Variants in NOS1AP observed in about 807,000 individuals in gnomAD.
NOS1AP encodes the protein nitric oxide synthase 1 adaptor protein.
In NOS1AP, 21 loss-of-function variants were observed where a neutral mutation model predicts 56.2. The ratio of observed to expected loss-of-function variants is 0.37; its 90% confidence interval spans 0.26 to 0.54. The LOEUF (loss-of-function observed/expected upper bound fraction) is 0.54, where lower values mean the gene tolerates loss of function less well. Among genes scored for constraint, NOS1AP ranks in the 20% least tolerant of loss-of-function variants. The pLI, the probability that NOS1AP is intolerant of heterozygous loss-of-function variation, is 0.84. For missense variants in NOS1AP, 522 were observed against 657.8 expected, an observed-to-expected ratio of 0.79 and a Z score of 2.26; for synonymous variants, 270 against 274.6, an observed-to-expected ratio of 0.98 and a Z score of 0.17.
intron 5 of NOS1AP, among the ~76,000 whole-genome samples, chr1:162,343,313 G>T (rs2101806470): frequency 6.6e-6 from 1 of 152,316 alleles, no homozygotes; most frequent in African/African-American, 2.4e-5. Context: ...CTTAGATTTA[G>T]TTGGCTGCCA....
At chr1:162,238,259 A>G (rs1444967060) in intron 2 of NOS1AP, among the ~76,000 whole-genome samples, 3 of 152,082 alleles carry the variant, frequency 2.0e-5, no homozygotes, top group African/African-American at 7.2e-5. Context: ...CCTTTGGAGC[A>G]TGGATGGGTT....
chr1:162,232,776 G>A (rs1479976471), intron 2 of NOS1AP, among the ~76,000 whole-genome samples: 1 of 151,914 alleles, frequency 6.6e-6, no homozygotes, highest in Non-Finnish European at 1.5e-5. Flanking sequence ...TACCTATTAT[G>A]TACCTATTAT....
At chr1:162,225,815 G>A (rs1460565898) in intron 2 of NOS1AP, among the ~76,000 whole-genome samples, 1 of 152,136 alleles carries the variant, frequency 6.6e-6, no homozygotes, top group African/African-American at 2.4e-5. Context: ...ATTACTGATG[G>A]TGTCATTAGG....
chr1:162,125,130 CTTT>C lies in NOS1AP; in HGVS notation c.106-29256_106-29254del, dbSNP rs56264198. On this transcript the variant is annotated intron_variant, in intron 1 of 9. Coordinates refer to ENST00000361897, the MANE Select transcript of NOS1AP (RefSeq NM_014697.3). ...ATGCCAACATCTATTGTTTCTGACTCTTTTTTTTTTTTTTTTTTTTTAAGACGG... is the reference window on the plus strand; with the variant it reads ...ATGCCAACATCTATTGTTTCTGACTCTTTTTTTTTTTTTTTTTTAAGACGG... Among the ~76,000 whole-genome samples, 119 of 124,134 alleles carry C rather than the reference CTTT, an allele frequency of 9.6e-4. 1 individual carries two copies. Among genetic ancestry groups the C allele is most frequent in the African/African-American group, 3.5e-3 (108 of 30,956 alleles). 81.4% of individuals were successfully genotyped at this position (124,134 alleles called of 152,430 possible).
chr1:162,307,728 G>A (rs142860615), intron 4 of NOS1AP, among the ~76,000 whole-genome samples: 3,153 of 151,880 alleles, frequency 0.021, 53 homozygotes, highest in Middle Eastern at 0.048. Context: ...GGAGAGTGGC[G>A]TGAACCTGGG....
intron 4 of NOS1AP, chr1:162,317,300 G>A (rs959990114): frequency 6.6e-6 from 1 of 152,326 alleles, no homozygotes; most frequent in African/African-American, 2.4e-5. Flanking sequence ...TGGGCCAGTG[G>A]TGTGTCCTCA....
chr1:162,074,407 C>G (rs1691728370), intron 1 of NOS1AP, among the ~76,000 whole-genome samples: 1 of 152,096 alleles, frequency 6.6e-6, no homozygotes, highest in Non-Finnish European at 1.5e-5. Flanking sequence ...AGATTGTTCC[C>G]TTATATCTGC....
At chr1:162,318,768 C>T (rs1170232410) in intron 4 of NOS1AP, among the ~76,000 whole-genome samples, 4 of 152,126 alleles carry the variant, frequency 2.6e-5, no homozygotes, top group Non-Finnish European at 4.4e-5. Flanking sequence ...TTTCCAATTG[C>T]CTCTTAGACA....
intron 6 of NOS1AP, among the ~76,000 whole-genome samples, chr1:162,351,860 A>G (rs918455378): frequency 2.6e-5 from 4 of 151,300 alleles, no homozygotes; most frequent in Non-Finnish European, 4.4e-5. Context: ...TATCTTTTCA[A>G]CCTCCAGTAA....
intron 4 of NOS1AP, among the ~76,000 whole-genome samples, chr1:162,312,112 T>G (rs1247930804): frequency 6.6e-6 from 1 of 151,154 alleles, no homozygotes; most frequent in East Asian, 1.9e-4. Flanking sequence ...ATGGGATGGC[T>G]GGGTCAAATG....
rs138872016 is a variant in NOS1AP at position 162,083,859 on chromosome 1, C to T, written c.105+13577C>T. Among the ~76,000 whole-genome samples, 32 of 152,252 alleles carry T rather than the reference C, an allele frequency of 2.1e-4. 1 individual carries two copies. Among genetic ancestry groups the T allele is most frequent in the African/African-American group, 6.3e-4 (26 of 41,556 alleles). On this transcript the variant is annotated intron_variant, in intron 1 of 9. Coordinates refer to ENST00000361897, the MANE Select transcript of NOS1AP (RefSeq NM_014697.3). ...CTGAGTGTCTTTACCAAGTTTTCCA[C>T]CATGTGATTCTGATGAACACTTCAG... is the stretch of plus-strand genomic sequence containing the variant.
intron 2 of NOS1AP, among the ~76,000 whole-genome samples, chr1:162,219,373 T>C (rs1026411984): frequency 1.9e-4 from 29 of 152,190 alleles, no homozygotes; most frequent in Non-Finnish European, 3.7e-4. Flanking sequence ...CCTGTTTCCA[T>C]CTTCCTTTCA....
chr1:162,135,131 G>T (rs1648937093), intron 1 of NOS1AP, among the ~76,000 whole-genome samples: 1 of 152,186 alleles, frequency 6.6e-6, no homozygotes, highest in African/African-American at 2.4e-5. Context: ...ACTGGACTTG[G>T]TAGATATAAC....
chr1:162,367,344 C>G lies in NOS1AP; in HGVS notation c.1398C>G (p.Tyr466Ter). 6.2e-7 allele frequency: 1 copy of G among 1,612,976 alleles called. No homozygotes were observed. Among genetic ancestry groups the G allele is most frequent in the Non-Finnish European group, 8.5e-7 (1 of 1,179,834 alleles). ...GAGAGTCAGGCATCGCCTCGGAGTA[C>G]GAGTCCAACACGGACGAGAGCGAGG... is the stretch of plus-strand genomic sequence containing the variant. ...KFRESGIASEYESNTDESEER... is the reference protein window; with the variant it reads ...KFRESGIASE Residue 466 changes from tyrosine to a stop codon, truncating the protein, a stop_gained, in exon 10 of 10, where the codon TAC becomes TAG. Transcript: ENST00000361897. LOFTEE classifies it high-confidence loss of function. The surrounding 1 kb of genome is among the most constrained non-coding windows in gnomAD (Gnocchi z 6.5).
chr1:162,270,033 T>C (rs960263851), intron 2 of NOS1AP, among the ~76,000 whole-genome samples: 8 of 152,270 alleles, frequency 5.3e-5, no homozygotes, highest in African/African-American at 1.9e-4. Flanking sequence ...GCCATTATAA[T>C]AAACAAATAT....
intron 1 of NOS1AP, among the ~76,000 whole-genome samples, chr1:162,081,088 A>G (rs189514461): frequency 6.6e-5 from 10 of 152,186 alleles, no homozygotes; most frequent in Admixed American, 2.0e-4. Context: ...GCTAATGTTT[A>G]TCAAGTGCTC....
chr1:162,106,495 C>T (rs1019620814), intron 1 of NOS1AP, among the ~76,000 whole-genome samples: 4 of 152,120 alleles, frequency 2.6e-5, no homozygotes, highest in Non-Finnish European at 5.9e-5. Context: ...TTTTATGGCT[C>T]TTTTCACTAC....
At chr1:162,289,600 A>G (rs1452219748) in intron 3 of NOS1AP, among the ~76,000 whole-genome samples, 2 of 143,400 alleles carry the variant, frequency 1.4e-5, no homozygotes, top group Non-Finnish European at 3.0e-5. Flanking sequence ...TCAGCCTCCC[A>G]AGTAGCTGGG....
At chr1:162,242,056 A>G (rs1450043571) in intron 2 of NOS1AP, among the ~76,000 whole-genome samples, 2 of 152,208 alleles carry the variant, frequency 1.3e-5, no homozygotes, top group African/African-American at 2.4e-5. Context: ...TTATTCAGGA[A>G]GTTCATTTGT....
Sources: gnomAD v4.1 joint callset for allele counts (sites outside exome capture counted in the v4.1 genomes callset) on GRCh38, gnomAD v4.1.1 for gene constraint, Gnocchi (gnomAD v3.1) non-coding constraint, MANE v1.5 for transcripts, NCBI Gene and HGNC (gene_info 2026-07-23, HGNC 2026-07-21) for gene names.